Variants in HNRNPK observed in about 807,000 individuals in gnomAD.
HNRNPK encodes dC-stretch binding protein.
A neutral mutation model predicts 67.0 loss-of-function variants in HNRNPK; 7 were observed. The observed-to-expected ratio is 0.10, with a 90% CI of 0.06 to 0.20. The LOEUF is 0.20. HNRNPK is among the 10% of genes least tolerant of loss of function. The pLI is 1.00. For synonymous variants in HNRNPK, 213 were observed against 193.7 expected (o/e 1.10, Z -0.83); for missense variants, 264 against 606.5 (o/e 0.44, Z 5.93).
intron 16 of HNRNPK, chr9:83,969,658 CG>C (rs2133010215): frequency 1.6e-6 from 1 of 609,920 alleles, no homozygotes; most frequent in African/African-American, 1.9e-5. Flanking sequence ...ATTAAGAAAA[CG>C]GAATTGAAAG....
intron 6 of HNRNPK, among the ~76,000 whole-genome samples, chr9:83,975,218 T>C (rs899142748): frequency 2.0e-5 from 3 of 152,154 alleles, no homozygotes; most frequent in Admixed American, 1.3e-4. Context: ...TGATTTACAA[T>C]GCGGCAAATA....
chr9:83,979,871 C>A (rs1383049798), intron 1 of HNRNPK, among the ~76,000 whole-genome samples: 2 of 152,188 alleles, frequency 1.3e-5, no homozygotes. Flanking sequence ...CTCCCCGCAC[C>A]GGCCTCCTTT....
intron 1 of HNRNPK, among the ~76,000 whole-genome samples, chr9:83,979,728 C>T (rs1328626804): frequency 7.9e-5 from 12 of 152,082 alleles, no homozygotes; most frequent in African/African-American, 2.4e-4. Flanking sequence ...CCCCCGCATC[C>T]TCCCCCCACT....
chr9:83,973,079 A>G, intron 9 of HNRNPK, 107 bp from the exon 10 acceptor site: 2 of 852,770 alleles, frequency 2.3e-6, no homozygotes, highest in South Asian at 1.8e-5. Context: ...CCACAATATA[A>G]AAACTTCATT....
At chr9:83,973,207 CGA>C (rs927292110) in intron 9 of HNRNPK, 77 bp downstream of exon 9, 8 of 880,512 alleles carry the variant, frequency 9.1e-6, no homozygotes, top group Non-Finnish European at 1.3e-5. Context: ...AGAGGGGAAG[CGA>C]GAGAAGCTCA....
At position 83,972,203 on chromosome 9, in the gene HNRNPK, T is replaced by C. The variant is rs1230586038; in HGVS notation, c.646-14A>G. The C allele has an allele frequency of 2.6e-6, 4 of 1,563,868 alleles. No individual in the cohort carries two copies. The highest frequency in any genetic ancestry group is 1.2e-5 in the South Asian group (1 of 84,534). On this transcript the variant is annotated splice_polypyrimidine_tract_variant and intron_variant, in intron 10 of 16. Transcript: ENST00000376263. Reference sequence around the variant, plus strand: ...TTTGATGGGAGACTAAAAACAGAGATGGAACAAACTTACAGACTGAAGAAA... The same window carrying C: ...TTTGATGGGAGACTAAAAACAGAGACGGAACAAACTTACAGACTGAAGAAA...
Position 83,968,395 on chromosome 9 carries a change from A to G in HNRNPK, c.*1012T>C, listed in dbSNP as rs1361162548. 1 of 152,574 alleles carries G rather than the reference A, an allele frequency of 6.6e-6. No homozygotes were observed. The highest frequency in any genetic ancestry group is 1.5e-5 in the Non-Finnish European group (1 of 68,030). 9.5% of individuals were successfully genotyped at this position (152,574 alleles called of 1,614,324 possible). A position where few individuals can be genotyped will look rare whatever the true frequency, so the allele number is the denominator to read the frequency against. ...AAAAACAAGTATATATATATTTTAC[A>G]AAGTTTAACTAATAAGACACTAGAG... On this transcript the variant is annotated 3_prime_UTR_variant, in exon 17 of 17. Coordinates refer to ENST00000376263, the MANE Select transcript of HNRNPK (RefSeq NM_031263.4).
chr9:83,972,428 T>C (rs167202), intron 10 of HNRNPK, among the ~76,000 whole-genome samples: 150,304 of 152,352 alleles, frequency 0.99, 74,151 homozygotes, highest in Middle Eastern at 1. Context: ...GGAGAAGTAA[T>C]AGCTTGCTCT....
chr9:83,977,442 A>G (rs1474696070), intron 4 of HNRNPK, among the ~76,000 whole-genome samples: 2 of 152,230 alleles, frequency 1.3e-5, no homozygotes, highest in Admixed American at 6.5e-5. Context: ...GATTTAATCT[A>G]TTAACACTTT....
intron 3 of HNRNPK, 28 bp downstream of exon 3, chr9:83,978,166 AT>A (rs1564070195): frequency 4.9e-6 from 7 of 1,433,396 alleles, no homozygotes; most frequent in Non-Finnish European, 6.9e-6. Flanking sequence ...GGATAAAAAA[AT>A]ACTGTTAAAA....
intron 10 of HNRNPK, 101 bp from the exon 11 acceptor site, chr9:83,972,290 C>G: frequency 1.2e-6 from 1 of 861,612 alleles, no homozygotes; most frequent in Non-Finnish European, 1.8e-6. Flanking sequence ...AAGTCATTCC[C>G]CCATCAGGAG....
chr9:83,973,409 G>C lies in HNRNPK; in HGVS notation c.403-10C>G. On this transcript the variant is annotated splice_polypyrimidine_tract_variant and intron_variant, in intron 8 of 16. Coordinates refer to ENST00000376263, the MANE Select transcript of HNRNPK (RefSeq NM_031263.4). ...CTTTATAGTGTTGGTACTGTGGAGG[G>C]AGAATTATAAAATTTTAGTCTCAAA... 6.7e-7 allele frequency: 1 copy of C among 1,488,524 alleles called. No homozygotes were observed. Among genetic ancestry groups the C allele is most frequent in the Non-Finnish European group, 9.4e-7 (1 of 1,067,012 alleles). 92.2% of individuals were successfully genotyped at this position (1,488,524 alleles called of 1,614,324 possible). A position where few individuals can be genotyped will look rare whatever the true frequency, so the allele number is the denominator to read the frequency against.
Position 83,972,984 on chromosome 9 carries a change from T to G in HNRNPK, c.517-12A>C. 3 of 1,556,440 alleles carry G rather than the reference T, an allele frequency of 1.9e-6. No individual in the cohort carries two copies. Among genetic ancestry groups the G allele is most frequent in the South Asian group, 1.2e-5 (1 of 82,576 alleles). On this transcript the variant is annotated splice_polypyrimidine_tract_variant and intron_variant, in intron 9 of 16. Coordinates refer to ENST00000376263, the MANE Select transcript of HNRNPK (RefSeq NM_031263.4). ...GTGGTTTGAGTGTTCTGTAGTAAGA[T>G]CATAAAAAAAAATAATAATAATTAG... is the stretch of plus-strand genomic sequence containing the variant.
At position 83,971,628 on chromosome 9, in the gene HNRNPK, A is replaced by G. The variant is rs957232596; in HGVS notation, c.1008+44T>C. ...ACAAAACGTGAACTACATTGTGACA[A>G]CCCTCACATACCCAACACACTGGTA... is the stretch of plus-strand genomic sequence containing the variant. On this transcript the variant is annotated intron_variant, in intron 12 of 16. Coordinates refer to ENST00000376263, the MANE Select transcript of HNRNPK (RefSeq NM_031263.4). The G allele has an allele frequency of 8.9e-6, 13 of 1,466,394 alleles. No individual in the cohort carries two copies. In the East Asian group the frequency reaches 1.8e-4, roughly 20 times the overall value. 90.8% of individuals were successfully genotyped at this position (1,466,394 alleles called of 1,614,324 possible). A position where few individuals can be genotyped will look rare whatever the true frequency, so the allele number is the denominator to read the frequency against.
At chr9:83,973,264 G>T in intron 9 of HNRNPK, 22 bp downstream of exon 9, 1 of 1,297,490 alleles carries the variant, frequency 7.7e-7, no homozygotes, top group Non-Finnish European at 1.1e-6. Flanking sequence ...CAAAGAATAC[G>T]GCAGAATTTT....
At chr9:83,969,668 AGTT>A in intron 16 of HNRNPK, 2 of 610,678 alleles carry the variant, frequency 3.3e-6, no homozygotes, top group East Asian at 2.8e-5. Context: ...CGGAATTGAA[AGTT>A]GTTAATATTT....
At chr9:83,971,159 C>A in intron 13 of HNRNPK, 114 bp downstream of exon 13, 1 of 853,754 alleles carries the variant, frequency 1.2e-6, no homozygotes, top group South Asian at 1.4e-5. Context: ...AAACCAAAGT[C>A]CTCCTGTATC....
upstream of HNRNPK, chr9:83,980,609 C>G (rs931774094): frequency 6.5e-6 from 1 of 153,152 alleles, no homozygotes; most frequent in Non-Finnish European, 1.5e-5. Flanking sequence ...CGCCCTCCTC[C>G]TTTCTCGTTC....
In HNRNPK at chr9:83,973,932, C is replaced by G; in HGVS notation, c.372G>C (p.Pro124=). The part of the protein sequence containing the change: ...LPSPTATSQL[P]LESDAVECLN... Reference sequence around the variant, plus strand: ...AGCATTCCACAGCATCAGATTCGAGCGGGAGCTGGCTGGTTGCAGTGGGTG... The same window carrying G: ...AGCATTCCACAGCATCAGATTCGAGGGGGAGCTGGCTGGTTGCAGTGGGTG... The change falls in exon 8 of 17, where the codon CCG becomes CCC. Residue 124 remains proline (P), a synonymous_variant. Transcript: ENST00000376263. The G allele has an allele frequency of 1.9e-6, 3 of 1,613,714 alleles. No homozygotes were observed. In the South Asian group the frequency reaches 3.3e-5, roughly 18 times the overall value.
Sources: allele counts gnomAD v4.1 joint callset (sites outside exome capture counted in the v4.1 genomes callset), GRCh38; gene constraint gnomAD v4.1.1; transcripts MANE v1.5; gene names NCBI Gene and HGNC (gene_info 2026-07-23, HGNC 2026-07-21).